SLC24A2: variants seen among roughly 807,000 people sequenced by gnomAD.
The protein encoded by SLC24A2 is solute carrier family 24 member 2.
A neutral mutation model predicts 62.0 loss-of-function variants in SLC24A2; 36 were observed. The observed-to-expected ratio is 0.58, with a 90% CI of 0.44 to 0.77. SLC24A2 has a LOEUF of 0.77. Ranked by LOEUF, SLC24A2 falls within the 30% of genes least tolerant of loss-of-function variation. The pLI, the probability that SLC24A2 is intolerant of heterozygous loss-of-function variation, is 0.00. For synonymous variants in SLC24A2, 358 were observed against 294.0 expected (o/e 1.22, Z -2.23); for missense variants, 846 against 817.9 (o/e 1.03, Z -0.42).
the SLC24A2 span, among the ~76,000 whole-genome samples, chr9:19,965,845 G>A: frequency 1.3e-5 from 2 of 152,134 alleles, no homozygotes; most frequent in Non-Finnish European, 2.9e-5. Flanking sequence ...GCTTTCCTCT[G>A]TGTAATCTTC....
At chr9:19,552,752 T>G (rs1347411448) in intron 7 of SLC24A2, among the ~76,000 whole-genome samples, 1 of 152,232 alleles carries the variant, frequency 6.6e-6, no homozygotes, top group African/African-American at 2.4e-5. Context: ...TGGTGACATT[T>G]CATCAATAAC....
chr9:19,619,120 A>C (rs1337805807), intron 4 of SLC24A2, among the ~76,000 whole-genome samples: 1 of 151,952 alleles, frequency 6.6e-6, no homozygotes, highest in Non-Finnish European at 1.5e-5. Context: ...GGATCAGTAC[A>C]CTCTCAACGT....
chr9:20,282,287 A>AATTCC, the SLC24A2 span, among the ~76,000 whole-genome samples: 1 of 152,288 alleles, frequency 6.6e-6, no homozygotes, highest in Non-Finnish European at 1.5e-5. Context: ...AATAAGTTGA[A>AATTCC]ATTCCATGGT....
At chr9:20,194,383 T>TTGGTA in the SLC24A2 span, among the ~76,000 whole-genome samples, 2 of 152,210 alleles carry the variant, frequency 1.3e-5, no homozygotes, top group African/African-American at 4.8e-5. Context: ...TTGGTACTCT[T>TTGGTA]CATCCCTTCT....
At chr9:20,068,013 T>C in the SLC24A2 span, among the ~76,000 whole-genome samples, 1 of 151,762 alleles carries the variant, frequency 6.6e-6, no homozygotes, top group Non-Finnish European at 1.5e-5. Flanking sequence ...GCATAAGCAT[T>C]CCTTTTTCTC....
intron 2 of SLC24A2, among the ~76,000 whole-genome samples, chr9:19,707,033 A>C (rs1354348407): frequency 1.3e-5 from 2 of 152,070 alleles, no homozygotes; most frequent in Non-Finnish European, 2.9e-5. Flanking sequence ...AAGAAAAGAG[A>C]GAAGAATCAA....
intron 5 of SLC24A2, among the ~76,000 whole-genome samples, chr9:19,587,379 C>T (rs1836406184): frequency 6.6e-6 from 1 of 152,124 alleles, no homozygotes; most frequent in African/African-American, 2.4e-5. Flanking sequence ...GTATTGTCCC[C>T]TGGGTTTCAT....
At chr9:19,888,845 A>G in the SLC24A2 span, among the ~76,000 whole-genome samples, 5 of 152,176 alleles carry the variant, frequency 3.3e-5, no homozygotes, top group Non-Finnish European at 7.4e-5. Context: ...GGACAGGAAA[A>G]CAAGGACAAC....
the SLC24A2 span, among the ~76,000 whole-genome samples, chr9:20,299,700 C>T: frequency 6.6e-6 from 1 of 152,228 alleles, no homozygotes; most frequent in Non-Finnish European, 1.5e-5. Flanking sequence ...TCAGGTTTAA[C>T]TTGCCTTCCC....
chr9:19,840,057 G>A, the SLC24A2 span, among the ~76,000 whole-genome samples: 36 of 152,282 alleles, frequency 2.4e-4, no homozygotes, highest in Admixed American at 2.4e-3. Flanking sequence ...AGTGATGCAT[G>A]ACTGTGTATC....
At chr9:20,307,512 T>A in the SLC24A2 span, among the ~76,000 whole-genome samples, 1 of 152,198 alleles carries the variant, frequency 6.6e-6, no homozygotes, top group African/African-American at 2.4e-5. Context: ...ATTTTACACT[T>A]GTCCTCTAAA....
chr9:19,880,875 G>A, the SLC24A2 span, among the ~76,000 whole-genome samples: 1 of 152,234 alleles, frequency 6.6e-6, no homozygotes, highest in African/African-American at 2.4e-5. Context: ...TAATTTGGGG[G>A]TCATCAAGGA....
chr9:20,192,495 G>C, the SLC24A2 span, among the ~76,000 whole-genome samples: 1 of 152,096 alleles, frequency 6.6e-6, no homozygotes, highest in Non-Finnish European at 1.5e-5. Flanking sequence ...AGAATCACAT[G>C]GACACTTATT....
chr9:19,647,917 C>T (rs565112996), intron 2 of SLC24A2, among the ~76,000 whole-genome samples: 47 of 152,258 alleles, frequency 3.1e-4, no homozygotes, highest in African/African-American at 9.6e-4. Flanking sequence ...ATTCCAATAA[C>T]GATTGTGAAT....
chr9:20,019,157 GAGAGAGAGACAGAAAGAAAGAAAGAAGGA>G, the SLC24A2 span, among the ~76,000 whole-genome samples: 1 of 134,504 alleles, frequency 7.4e-6, no homozygotes, highest in African/African-American at 2.9e-5. Context: ...AAGAAAGAAA[GAGAGAGAGACAGAAAGAAAGAAAGAAGGA>G]AAAGAAAGAA....
the SLC24A2 span, among the ~76,000 whole-genome samples, chr9:20,269,677 CA>C: frequency 7.2e-5 from 11 of 152,278 alleles, no homozygotes; most frequent in East Asian, 2.1e-3. Flanking sequence ...CGACCCTCAC[CA>C]AGATTTTTTT....
At chr9:19,518,425 C>CTT (rs59805848) in intron 10 of SLC24A2, among the ~76,000 whole-genome samples, 68 of 141,262 alleles carry the variant, frequency 4.8e-4, no homozygotes, top group African/African-American at 1.4e-3. Context: ...CTTTTCTTTT[C>CTT]TTTTTTTTTT....
rs187984612 is a variant in SLC24A2, at chr9:19,602,415, A to G, written c.1079-5136T>C. On this transcript the variant is annotated intron_variant, in intron 4 of 10. Transcript: ENST00000341998. The stretch of plus-strand genomic sequence containing the variant: ...TTTCACAAGTTTATATTGGAGAAGA[A>G]GCAGGTAAAATGAGAATGACAAAAA... Among the ~76,000 whole-genome samples, 169 of 152,328 alleles carry G rather than the reference A, an allele frequency of 1.1e-3. 5 individuals are homozygous for G. Among genetic ancestry groups the G allele is most frequent in the Admixed American group, 0.01 (156 of 15,298 alleles).
At chr9:19,717,189 A>C (rs1820884730) in intron 2 of SLC24A2, among the ~76,000 whole-genome samples, 1 of 152,204 alleles carries the variant, frequency 6.6e-6, no homozygotes. Context: ...GCATCCTGGA[A>C]AACAGGCCAA....
Sources: gnomAD v4.1 joint callset for allele counts (sites outside exome capture counted in the v4.1 genomes callset) on GRCh38, gnomAD v4.1.1 for gene constraint, MANE v1.5 for transcripts, NCBI Gene and HGNC (gene_info 2026-07-23, HGNC 2026-07-21) for gene names.